Variants in B3GLCT observed in about 807,000 individuals in gnomAD.
B3GLCT encodes the protein beta 3-glucosyltransferase.
B3GLCT carries 65 observed loss-of-function variants against 63.4 expected under a neutral mutation model. That is an observed-to-expected ratio of 1.03 (90% confidence interval 0.84 to 1.26). The LOEUF (loss-of-function observed/expected upper bound fraction) is 1.26, where lower values mean the gene tolerates loss of function less well. Among genes scored for constraint, B3GLCT ranks in the 50% most tolerant of loss-of-function variants. B3GLCT has a pLI of 0.00. For synonymous variants in B3GLCT, 233 were observed against 219.2 expected, an observed-to-expected ratio of 1.06 and a Z score of -0.55; for missense variants, 577 against 604.8, an observed-to-expected ratio of 0.95 and a Z score of 0.48.
At chr13:31,327,937 A>G (rs1201507409) in intron 14 of B3GLCT, among the ~76,000 whole-genome samples, 12 of 152,192 alleles carry the variant, frequency 7.9e-5, no homozygotes, top group Admixed American at 1.3e-4. Flanking sequence ...TGAGCAGTAT[A>G]TTTGTACTGG....
At chr13:31,236,883 T>C (rs1475972770) in intron 4 of B3GLCT, among the ~76,000 whole-genome samples, 3 of 152,194 alleles carry the variant, frequency 2.0e-5, no homozygotes, top group African/African-American at 7.2e-5. Flanking sequence ...TCCCAGCACC[T>C]TGGGAGGCCA....
At chr13:31,248,086 T>C (rs983390632) in intron 6 of B3GLCT, 120 bp downstream of exon 6, 4 of 653,512 alleles carry the variant, frequency 6.1e-6, no homozygotes, top group Non-Finnish European at 1.1e-5. Flanking sequence ...TTAAAAAGAA[T>C]GAAACATTGT....
intron 11 of B3GLCT, among the ~76,000 whole-genome samples, chr13:31,285,831 A>T (rs1409319397): frequency 6.6e-6 from 1 of 152,118 alleles, no homozygotes; most frequent in Non-Finnish European, 1.5e-5. Flanking sequence ...TGGGTTTAAT[A>T]ATCATGTATT....
At chr13:31,328,692 C>CAA (rs34729471) in intron 14 of B3GLCT, among the ~76,000 whole-genome samples, 3,273 of 43,366 alleles carry the variant, frequency 0.075, 234 homozygotes, top group African/African-American at 0.089. Flanking sequence ...AACTCCATCT[C>CAA]AAAAAAAAAA....
intron 7 of B3GLCT, among the ~76,000 whole-genome samples, chr13:31,266,210 G>A (rs768237229): frequency 2.0e-5 from 3 of 152,044 alleles, no homozygotes; most frequent in Non-Finnish European, 2.9e-5. Flanking sequence ...GTGTTAGCCA[G>A]GATGGCCTCG....
intron 2 of B3GLCT, among the ~76,000 whole-genome samples, chr13:31,219,944 A>G (rs1040360894): frequency 6.6e-6 from 1 of 152,242 alleles, no homozygotes; most frequent in Non-Finnish European, 1.5e-5. Context: ...TGCTTTGTGC[A>G]GACCCTGTGC....
intron 10 of B3GLCT, among the ~76,000 whole-genome samples, chr13:31,283,789 TA>T: frequency 6.6e-6 from 1 of 152,226 alleles, no homozygotes; most frequent in Non-Finnish European, 1.5e-5. Context: ...CATGATCTGA[TA>T]AAGTTTCTCA....
At chr13:31,236,496 G>A (rs1381535656) in intron 4 of B3GLCT, among the ~76,000 whole-genome samples, 1 of 152,174 alleles carries the variant, frequency 6.6e-6, no homozygotes, top group African/African-American at 2.4e-5. Flanking sequence ...TAATTTCTGT[G>A]ATAGTAAGTA....
chr13:31,321,257 T>C (rs1418331797), intron 13 of B3GLCT, among the ~76,000 whole-genome samples: 1 of 152,266 alleles, frequency 6.6e-6, no homozygotes, highest in Non-Finnish European at 1.5e-5. Flanking sequence ...GTCATGAGAT[T>C]GTCTCTTACA....
intron 12 of B3GLCT, among the ~76,000 whole-genome samples, chr13:31,299,400 A>G (rs1004624478): frequency 2.6e-5 from 4 of 152,104 alleles, no homozygotes; most frequent in African/African-American, 9.7e-5. Flanking sequence ...TGTTTTTTTA[A>G]TGGTACTCAG....
intron 12 of B3GLCT, among the ~76,000 whole-genome samples, chr13:31,299,481 T>C (rs1874121318): frequency 6.6e-6 from 1 of 152,184 alleles, no homozygotes; most frequent in South Asian, 2.1e-4. Flanking sequence ...CAAGACCCAT[T>C]TGTAGCCCCA....
At chr13:31,222,260 G>A (rs932149014) in intron 2 of B3GLCT, among the ~76,000 whole-genome samples, 1 of 151,864 alleles carries the variant, frequency 6.6e-6, no homozygotes, top group Non-Finnish European at 1.5e-5. Context: ...TGTATTTTTA[G>A]TAGCGGTGGG....
chr13:31,261,776 C>T (rs775597797), intron 7 of B3GLCT, among the ~76,000 whole-genome samples: 2 of 152,146 alleles, frequency 1.3e-5, no homozygotes, highest in African/African-American at 4.8e-5. Context: ...TGTCCTGTCT[C>T]TAGGATTTGG....
intron 14 of B3GLCT, among the ~76,000 whole-genome samples, chr13:31,326,357 C>G (rs1001758710): frequency 7.5e-6 from 1 of 133,852 alleles, no homozygotes; most frequent in African/African-American, 2.8e-5. Context: ...GATCTCGGCT[C>G]ACTGCAACCT....
rs898151373 is a variant in B3GLCT, at chr13:31,229,107, A to G, written c.161-78A>G. 1.4e-5 allele frequency: 13 copies of G among 948,484 alleles called. No homozygotes were observed. The African/African-American group carries it at 1.5e-4, about 11-fold the overall frequency. The allele number at this position is 948,484 out of a possible 1,614,324, so 58.8% of individuals were successfully genotyped here. ...CTGCCTGAAGGTTTGCTTTGTAGCTATTTTTTCACTTGTTTTCAAGTTTAT... is the reference window on the plus strand; with the variant it reads ...CTGCCTGAAGGTTTGCTTTGTAGCTGTTTTTTCACTTGTTTTCAAGTTTAT... On this transcript the variant is annotated intron_variant, in intron 3 of 14. Coordinates refer to ENST00000343307, the MANE Select transcript of B3GLCT (RefSeq NM_194318.4).
rs1238637683 is a variant in B3GLCT, at chr13:31,330,079, T to C, written c.*411T>C. 4.8e-6 allele frequency: 1 copy of C among 207,142 alleles called. No homozygotes were observed. Among genetic ancestry groups the C allele is most frequent in the Non-Finnish European group, 9.9e-6 (1 of 101,114 alleles). 12.8% of individuals were successfully genotyped at this position (207,142 alleles called of 1,614,324 possible). A position where few individuals can be genotyped will look rare whatever the true frequency, so the allele number is the denominator to read the frequency against. On this transcript the variant is annotated 3_prime_UTR_variant, in exon 15 of 15. Transcript: ENST00000343307. ...CTGTCTACAGTTCTATTTGTATATA[T>C]AAAAAGAAGACTGAAAGTCTTTTGA...
intron 6 of B3GLCT, among the ~76,000 whole-genome samples, chr13:31,260,208 G>C (rs942907993): frequency 9.9e-5 from 15 of 152,118 alleles, no homozygotes; most frequent in Non-Finnish European, 1.9e-4. Context: ...CTCTTCCTCA[G>C]ATTTTTGCAT....
chr13:31,225,403 A>G (rs1870045034), intron 3 of B3GLCT, among the ~76,000 whole-genome samples: 1 of 152,206 alleles, frequency 6.6e-6, no homozygotes, highest in Admixed American at 6.5e-5. Flanking sequence ...ACTCAGCCAG[A>G]ATGTGATTCA....
chr13:31,212,267 CTTTTTTTTTTTTTTTT>C (rs59719685), intron 1 of B3GLCT, among the ~76,000 whole-genome samples: 1 of 91,638 alleles, frequency 1.1e-5, no homozygotes, highest in Non-Finnish European at 2.0e-5. Context: ...GCATAACTGG[CTTTTTTTTTTTTTTTT>C]TTTTTTTTTA....
Sources: allele counts gnomAD v4.1 joint callset (sites outside exome capture counted in the v4.1 genomes callset), GRCh38; gene constraint gnomAD v4.1.1; transcripts MANE v1.5; gene names NCBI Gene and HGNC (gene_info 2026-07-23, HGNC 2026-07-21).